Variants in TASP1 observed in about 807,000 individuals in gnomAD.
TASP1 encodes threonine aspartase 1.
A neutral mutation model predicts 56.6 loss-of-function variants in TASP1; 16 were observed. The ratio of observed to expected loss-of-function variants is 0.28; its 90% CI spans 0.19 to 0.43. TASP1 has a LOEUF of 0.43. TASP1 is among the 20% of genes least tolerant of loss of function. TASP1 has a pLI of 1.00. For synonymous variants in TASP1, 179 were observed against 184.2 expected (o/e 0.97, Z 0.23); for missense variants, 393 against 511.6 (o/e 0.77, Z 2.24).
At chr20:13,586,610 G>T (rs983918757) in intron 5 of TASP1, among the ~76,000 whole-genome samples, 2 of 152,218 alleles carry the variant, frequency 1.3e-5, no homozygotes, top group South Asian at 2.1e-4. Context: ...GATCTAGGTG[G>T]TGGCTTATAT....
the TASP1 span, chr20:13,298,980 G>A: frequency 9.3e-6 from 15 of 1,613,558 alleles, no homozygotes; most frequent in African/African-American, 5.3e-5. Flanking sequence ...CTGCAAAAGC[G>A]AGTTCTTAAA....
the TASP1 span, among the ~76,000 whole-genome samples, chr20:13,181,744 T>C: frequency 1.3e-5 from 2 of 152,216 alleles, no homozygotes; most frequent in Non-Finnish European, 2.9e-5. Context: ...TCTTTTTAGA[T>C]GAGTTGCCTC....
At chr20:13,217,333 G>T in the TASP1 span, among the ~76,000 whole-genome samples, 1 of 151,978 alleles carries the variant, frequency 6.6e-6, no homozygotes, top group Non-Finnish European at 1.5e-5. Context: ...CTTTACTTTT[G>T]TATATATTAA....
intron 6 of TASP1, among the ~76,000 whole-genome samples, chr20:13,573,012 C>A (rs957483214): frequency 1.3e-5 from 2 of 152,076 alleles, no homozygotes. Flanking sequence ...GAACTGATTT[C>A]CATTTTATCT....
At chr20:13,471,393 T>G (rs2044485163) in intron 11 of TASP1, among the ~76,000 whole-genome samples, 1 of 152,182 alleles carries the variant, frequency 6.6e-6, no homozygotes, top group Non-Finnish European at 1.5e-5. Flanking sequence ...CCAATGCCAT[T>G]CTCTCTACAT....
At chr20:13,541,926 T>G (rs1027543189) in intron 8 of TASP1, among the ~76,000 whole-genome samples, 1 of 151,406 alleles carries the variant, frequency 6.6e-6, no homozygotes, top group African/African-American at 2.4e-5. Context: ...GTGCCCATAG[T>G]CCCAGCTACT....
At chr20:13,499,555 A>G (rs2043867008) in intron 10 of TASP1, among the ~76,000 whole-genome samples, 1 of 152,136 alleles carries the variant, frequency 6.6e-6, no homozygotes, top group Admixed American at 6.6e-5. Context: ...TGTTGAACAG[A>G]CTATGATACT....
At chr20:13,424,357 G>T (rs2042551535) in intron 12 of TASP1, among the ~76,000 whole-genome samples, 1 of 152,124 alleles carries the variant, frequency 6.6e-6, no homozygotes, top group African/African-American at 2.4e-5. Flanking sequence ...GTGATATCTG[G>T]AAGTCTATAA....
the TASP1 span, among the ~76,000 whole-genome samples, chr20:13,351,947 T>C: frequency 6.6e-6 from 1 of 152,206 alleles, no homozygotes; most frequent in Non-Finnish European, 1.5e-5. Flanking sequence ...ACAGAAGAAC[T>C]GAATTTTTCA....
At chr20:13,219,441 GT>G in the TASP1 span, among the ~76,000 whole-genome samples, 5 of 151,490 alleles carry the variant, frequency 3.3e-5, no homozygotes, top group Non-Finnish European at 7.4e-5. Flanking sequence ...ATTGTTTCGC[GT>G]TTCCCCCCAC....
intron 12 of TASP1, among the ~76,000 whole-genome samples, chr20:13,424,923 C>T (rs1264375373): frequency 6.6e-6 from 1 of 150,826 alleles, no homozygotes; most frequent in Non-Finnish European, 1.5e-5. Context: ...CTTAACATAT[C>T]ATGTCATACA....
the TASP1 span, among the ~76,000 whole-genome samples, chr20:13,207,908 C>T: frequency 2.0e-5 from 3 of 151,868 alleles, no homozygotes; most frequent in East Asian, 1.9e-4. Context: ...AAACACTCCA[C>T]GGGAAAACAA....
intron 4 of TASP1, among the ~76,000 whole-genome samples, chr20:13,598,881 A>T (rs1444305227): frequency 6.6e-6 from 1 of 152,248 alleles, no homozygotes; most frequent in Non-Finnish European, 1.5e-5. Context: ...ATGAACAGAC[A>T]CTTCTCAATA....
chr20:13,137,086 T>C, the TASP1 span, among the ~76,000 whole-genome samples: 2,838 of 151,818 alleles, frequency 0.019, 54 homozygotes, highest in South Asian at 0.03. Context: ...CCCCAATCAT[T>C]GTGCTGGTAC....
chr20:13,311,243 T>TAGATAGATGATAGATAGATAGATA, the TASP1 span, among the ~76,000 whole-genome samples: 6 of 127,860 alleles, frequency 4.7e-5, no homozygotes, highest in Admixed American at 4.0e-4. Flanking sequence ...GATAGATAGA[T>TAGATAGATGATAGATAGATAGATA]GATAGATAGA....
chr20:13,553,340 G>A (rs757576885), intron 8 of TASP1, among the ~76,000 whole-genome samples: 1 of 152,088 alleles, frequency 6.6e-6, no homozygotes, highest in Non-Finnish European at 1.5e-5. Flanking sequence ...AGCTTGCATG[G>A]TCACTTTATG....
chr20:13,545,801 C>T (rs1214431859), intron 8 of TASP1, among the ~76,000 whole-genome samples: 1 of 152,152 alleles, frequency 6.6e-6, no homozygotes, highest in Non-Finnish European at 1.5e-5. Flanking sequence ...CTGCAGAAAA[C>T]CTACGGTGCA....
chr20:13,487,071 G>A (rs867251761), intron 10 of TASP1, among the ~76,000 whole-genome samples: 3 of 152,132 alleles, frequency 2.0e-5, no homozygotes, highest in Non-Finnish European at 2.9e-5. Flanking sequence ...AATTTTCTAC[G>A]TAGAAAATCC....
chr20:13,572,304 AC>A (rs2046743538), intron 6 of TASP1, among the ~76,000 whole-genome samples: 1 of 152,184 alleles, frequency 6.6e-6, no homozygotes. Flanking sequence ...CTTGTGTTAT[AC>A]CCATCTTCGT....
Sources: gnomAD v4.1 joint callset for allele counts (sites outside exome capture counted in the v4.1 genomes callset) on GRCh38, gnomAD v4.1.1 for gene constraint, MANE v1.5 for transcripts, NCBI Gene and HGNC (gene_info 2026-07-23, HGNC 2026-07-21) for gene names.